The following NAALADL2 variants were observed in gnomAD, a reference collection of about 807,000 sequenced individuals.
The protein encoded by NAALADL2 is inactive N-acetylated-alpha-linked acidic dipeptidase-like protein 2.
NAALADL2 carries 76 observed loss-of-function variants against 87.2 expected under a neutral mutation model. That is an observed-to-expected ratio of 0.87 (90% CI 0.72 to 1.05). The LOEUF (loss-of-function observed/expected upper bound fraction) is 1.05. NAALADL2 is among the 50% of genes least tolerant of loss of function. The probability of loss-of-function intolerance (pLI) is 0.00; values close to 1 mark genes in which losing one functional copy is unlikely to be tolerated. For synonymous variants in NAALADL2, 354 were observed against 331.0 expected, an observed-to-expected ratio of 1.07 and a Z score of -0.75; for missense variants, 1,089 against 945.8, an observed-to-expected ratio of 1.15 and a Z score of -1.99.
At chr3:175,754,833 A>G (rs1180662721) in intron 12 of NAALADL2, among the ~76,000 whole-genome samples, 1 of 152,204 alleles carries the variant, frequency 6.6e-6, no homozygotes, top group Non-Finnish European at 1.5e-5. Context: ...GGTCAATATT[A>G]AAGACATAGT....
intron 4 of NAALADL2, among the ~76,000 whole-genome samples, chr3:175,322,249 A>G (rs906029906): frequency 6.7e-6 from 1 of 150,068 alleles, no homozygotes; most frequent in Non-Finnish European, 1.5e-5. Flanking sequence ...AGGATTCCCT[A>G]TTTAATAAAT....
intron 2 of NAALADL2, among the ~76,000 whole-genome samples, chr3:175,148,123 TAA>T (rs1553790307): frequency 1.4e-5 from 2 of 146,114 alleles, no homozygotes; most frequent in Non-Finnish European, 1.5e-5. Flanking sequence ...ATAATAATAA[TAA>T]AATAATAATA....
intron 11 of NAALADL2, among the ~76,000 whole-genome samples, chr3:175,680,401 G>C (rs754254530): frequency 6.6e-6 from 1 of 152,142 alleles, no homozygotes; most frequent in Non-Finnish European, 1.5e-5. Context: ...AAGAATCAAG[G>C]TCTAATATCA....
At chr3:175,757,884 A>T (rs565467952) in intron 13 of NAALADL2, among the ~76,000 whole-genome samples, 1 of 152,140 alleles carries the variant, frequency 6.6e-6, no homozygotes, top group Non-Finnish European at 1.5e-5. Context: ...TTAGGGGTTT[A>T]AAATATATTT....
chr3:174,533,155 C>T (rs1455767570), intron 1 of NAALADL2, among the ~76,000 whole-genome samples: 1 of 116,106 alleles, frequency 8.6e-6, no homozygotes, highest in Non-Finnish European at 1.7e-5. Flanking sequence ...GTTGTATGAC[C>T]CAACCCCAGC....
At chr3:175,711,159 C>T (rs1268911674) in intron 11 of NAALADL2, among the ~76,000 whole-genome samples, 2 of 151,770 alleles carry the variant, frequency 1.3e-5, no homozygotes, top group Admixed American at 6.6e-5. Context: ...TTAGAATAAT[C>T]ACTAGGGGAG....
intron 1 of NAALADL2, among the ~76,000 whole-genome samples, chr3:174,871,741 A>G (rs949360578): frequency 1.3e-5 from 2 of 152,126 alleles, no homozygotes; most frequent in African/African-American, 4.8e-5. Flanking sequence ...TCTACTAAAA[A>G]TACAACAGTT....
intron 10 of NAALADL2, among the ~76,000 whole-genome samples, chr3:175,616,877 T>C (rs913521766): frequency 2.6e-5 from 4 of 152,048 alleles, no homozygotes; most frequent in Non-Finnish European, 5.9e-5. Flanking sequence ...TGTCTTTGGT[T>C]AGGGAGGAGG....
At chr3:174,609,270 C>G (rs1719503627) in intron 2 of NAALADL2, among the ~76,000 whole-genome samples, 1 of 152,238 alleles carries the variant, frequency 6.6e-6, no homozygotes, top group Non-Finnish European at 1.5e-5. Context: ...GGGATGCCCT[C>G]TCTCACCACT....
At chr3:174,793,050 A>C (rs886596611) in intron 3 of NAALADL2, among the ~76,000 whole-genome samples, 2 of 152,156 alleles carry the variant, frequency 1.3e-5, no homozygotes. Context: ...CTTTGAGTGC[A>C]TGGAACCACT....
Position 174,720,052 on chromosome 3 carries a change from G to A in NAALADL2, c.-114-17589G>A, listed in dbSNP as rs537459705. 3.0e-4 allele frequency among the ~76,000 whole-genome samples: 45 copies of A among 152,116 alleles called. No homozygotes were observed. In the South Asian group the frequency reaches 8.9e-3, roughly 30 times the overall value. On this transcript the variant is annotated intron_variant, in intron 2 of 3. Transcript: ENST00000434257. ...CTTGACCTCGTGATTCACATGCCTT[G>A]GCCTCCTGAAGTGCTGGGATTACAG... is the stretch of plus-strand genomic sequence containing the variant.
chr3:174,526,559 A>G (rs1720766222), intron 1 of NAALADL2, among the ~76,000 whole-genome samples: 1 of 152,238 alleles, frequency 6.6e-6, no homozygotes, highest in Admixed American at 6.5e-5. Context: ...TAATTGATGA[A>G]TCACTTTCAT....
intron 2 of NAALADL2, among the ~76,000 whole-genome samples, chr3:175,186,403 T>G (rs574704115): frequency 6.6e-6 from 1 of 152,212 alleles, no homozygotes; most frequent in South Asian, 2.1e-4. Flanking sequence ...ATATCTTATA[T>G]TTCCCATGAC....
chr3:175,428,021 A>G (rs949315085), intron 5 of NAALADL2, among the ~76,000 whole-genome samples: 1 of 152,110 alleles, frequency 6.6e-6, no homozygotes, highest in African/African-American at 2.4e-5. Context: ...CATGTACTCA[A>G]TTAAGAACAT....
intron 11 of NAALADL2, among the ~76,000 whole-genome samples, chr3:175,725,410 A>C (rs1742787713): frequency 1.3e-5 from 2 of 152,254 alleles, no homozygotes; most frequent in African/African-American, 4.8e-5. Context: ...TTACTTCATA[A>C]ATCTCTACTT....
intron 4 of NAALADL2, among the ~76,000 whole-genome samples, chr3:175,297,736 C>T (rs965377778): frequency 6.6e-6 from 1 of 152,172 alleles, no homozygotes; most frequent in African/African-American, 2.4e-5. Context: ...GTGATACTAA[C>T]ATACCCACAT....
chr3:175,086,054 C>T (rs1348229394), intron 1 of NAALADL2, among the ~76,000 whole-genome samples: 1 of 152,110 alleles, frequency 6.6e-6, no homozygotes, highest in Admixed American at 6.5e-5. Flanking sequence ...TTTCGTTTTT[C>T]ATAGAGTGTC....
intron 2 of NAALADL2, among the ~76,000 whole-genome samples, chr3:175,112,797 C>G (rs1724421163): frequency 6.6e-6 from 1 of 151,588 alleles, no homozygotes; most frequent in Non-Finnish European, 1.5e-5. Context: ...GTCTAAATAA[C>G]TGTAATATAG....
At chr3:174,509,574 T>A (rs1719459498) in intron 1 of NAALADL2, among the ~76,000 whole-genome samples, 2 of 82,846 alleles carry the variant, frequency 2.4e-5, no homozygotes, top group Non-Finnish European at 4.9e-5. Context: ...GCTAATTTTT[T>A]TTTTTTTTTT....
Sources: allele counts gnomAD v4.1 joint callset (sites outside exome capture counted in the v4.1 genomes callset), GRCh38; gene constraint gnomAD v4.1.1; transcripts MANE v1.5; gene names NCBI Gene and HGNC (gene_info 2026-07-23, HGNC 2026-07-21).